Variants in PTPRD observed in about 807,000 individuals in gnomAD.
PTPRD encodes the protein receptor-type tyrosine-protein phosphatase delta.
PTPRD carries 34 observed loss-of-function variants against 214.5 expected under a neutral mutation model. The ratio of observed to expected loss-of-function variants is 0.16; its 90% CI spans 0.12 to 0.21. The LOEUF (loss-of-function observed/expected upper bound fraction) is 0.21, where lower values mean the gene tolerates loss of function less well. Ranked by LOEUF, PTPRD falls within the 10% of genes least tolerant of loss-of-function variation. The pLI is 1.00. For missense variants in PTPRD, 2,545 were observed against 2,398.7 expected (o/e 1.06, Z -1.27); for synonymous variants, 1,128 against 845.7 (o/e 1.33, Z -5.79).
chr9:9,813,998 T>C (rs560445450), intron 5 of PTPRD, among the ~76,000 whole-genome samples: 19 of 152,260 alleles, frequency 1.2e-4, no homozygotes, highest in African/African-American at 3.1e-4. Flanking sequence ...GTTCAACATA[T>C]GCAAGTCAAT....
chr9:9,927,262 G>C (rs529487882), intron 5 of PTPRD, among the ~76,000 whole-genome samples: 4 of 151,938 alleles, frequency 2.6e-5, no homozygotes, highest in East Asian at 1.9e-4. Context: ...AGAACTCTTC[G>C]GGCGAACACT....
rs181840228 is a variant in PTPRD at position 9,337,402 on chromosome 9, G to C, written c.-203+60047C>G. ...GAAGACTTTAATAGATCATTAACAA[G>C]AGCCATTCAAATCATCTAACTCTTC... On this transcript the variant is annotated intron_variant, in intron 9 of 45. Coordinates refer to ENST00000381196, the MANE Select transcript of PTPRD (RefSeq NM_002839.4). Among the ~76,000 whole-genome samples the C allele has an allele frequency of 3.7e-3, 561 of 152,226 alleles. 7 individuals carry two copies. Among genetic ancestry groups the C allele is most frequent in the African/African-American group, 0.013 (542 of 41,542 alleles).
intron 2 of PTPRD, among the ~76,000 whole-genome samples, chr9:10,521,851 C>T (rs187433218): frequency 6.6e-6 from 1 of 152,194 alleles, no homozygotes; most frequent in East Asian, 1.9e-4. Flanking sequence ...TAATAGGCTA[C>T]AGTATAGTTT....
chr9:8,697,610 A>G (rs1462341426), intron 12 of PTPRD, among the ~76,000 whole-genome samples: 3 of 151,358 alleles, frequency 2.0e-5, no homozygotes, highest in Non-Finnish European at 4.4e-5. Flanking sequence ...TTTAGTAGAG[A>G]TGAGTTTTCA....
At chr9:10,132,201 G>T (rs1331439551) in intron 3 of PTPRD, among the ~76,000 whole-genome samples, 1 of 151,990 alleles carries the variant, frequency 6.6e-6, no homozygotes, top group African/African-American at 2.4e-5. Context: ...ACTGTACACA[G>T]AAAAATGAAA....
At chr9:9,261,162 C>A (rs1348239689) in intron 9 of PTPRD, among the ~76,000 whole-genome samples, 2 of 151,798 alleles carry the variant, frequency 1.3e-5, no homozygotes, top group Non-Finnish European at 2.9e-5. Flanking sequence ...CGAGTGGCTG[C>A]TTTGGGTAAT....
At chr9:8,387,510 G>A (rs1288039028) in intron 37 of PTPRD, among the ~76,000 whole-genome samples, 5 of 152,176 alleles carry the variant, frequency 3.3e-5, no homozygotes, top group South Asian at 2.1e-4. Context: ...GCAAATGACT[G>A]CTTGTTACCA....
chr9:10,312,889 G>C (rs2096306887), intron 3 of PTPRD, among the ~76,000 whole-genome samples: 1 of 151,814 alleles, frequency 6.6e-6, no homozygotes. Flanking sequence ...TTGTCATCTA[G>C]ATTACTTTTT....
chr9:10,346,417 G>A (rs1280181896), intron 2 of PTPRD, among the ~76,000 whole-genome samples: 2 of 152,058 alleles, frequency 1.3e-5, no homozygotes, highest in African/African-American at 2.4e-5. Context: ...GACACATAAA[G>A]TATGAGGAGG....
intron 9 of PTPRD, among the ~76,000 whole-genome samples, chr9:9,366,866 G>T (rs1016068117): frequency 3.3e-5 from 5 of 151,176 alleles, no homozygotes; most frequent in African/African-American, 1.2e-4. Flanking sequence ...CTGATCTTTG[G>T]GTAAAGAGAT....
chr9:10,405,487 A>T (rs1211269984), intron 2 of PTPRD, among the ~76,000 whole-genome samples: 1 of 150,574 alleles, frequency 6.6e-6, no homozygotes, highest in Non-Finnish European at 1.5e-5. Context: ...CAGTTGCCAC[A>T]GTACAACATA....
At chr9:9,671,662 G>C (rs1367931269) in intron 7 of PTPRD, among the ~76,000 whole-genome samples, 1 of 152,108 alleles carries the variant, frequency 6.6e-6, no homozygotes, top group Non-Finnish European at 1.5e-5. Context: ...TCTCATGGTA[G>C]TGAATAAATC....
chr9:10,066,120 C>CT (rs903338767), intron 3 of PTPRD, among the ~76,000 whole-genome samples: 32 of 151,854 alleles, frequency 2.1e-4, no homozygotes, highest in African/African-American at 7.2e-4. Context: ...GATGGTTGGT[C>CT]TTTTTGCCAA....
intron 3 of PTPRD, among the ~76,000 whole-genome samples, chr9:10,102,982 CT>C (rs1304830280): frequency 1.3e-5 from 2 of 151,608 alleles, no homozygotes; most frequent in Non-Finnish European, 3.0e-5. Flanking sequence ...AAAACACACA[CT>C]TTATGCCGAC....
In PTPRD at chr9:10,412,162, C is replaced by A. The variant is rs192199478; in HGVS notation, c.-599-71145G>T. On this transcript the variant is annotated intron_variant, in intron 2 of 45. Transcript: ENST00000381196. ...AAGAATTTGAAGACTAATTCCTCAA[C>A]TTAACATAAGCTATACTAATAAAGA... 1.5e-3 allele frequency among the ~76,000 whole-genome samples: 224 copies of A among 151,704 alleles called. 3 individuals carry two copies. The South Asian group carries it at 0.023, about 16-fold the overall frequency.
At chr9:9,629,920 A>G (rs1326761) in intron 7 of PTPRD, among the ~76,000 whole-genome samples, 21,563 of 152,160 alleles carry the variant, frequency 0.14, 2,070 homozygotes, top group African/African-American at 0.27. Context: ...AAATGAGAGT[A>G]GGTGAGATTA....
intron 11 of PTPRD, among the ~76,000 whole-genome samples, chr9:8,896,707 G>A (rs1348998107): frequency 6.6e-6 from 1 of 152,072 alleles, no homozygotes; most frequent in African/African-American, 2.4e-5. Flanking sequence ...GATTCAATTG[G>A]CCTGCATATA....
Position 10,182,259 on chromosome 9 carries a change from C to CAAAAAAAA in PTPRD, c.-544-148477_-544-148470dup, listed in dbSNP as rs3075574. Among the ~76,000 whole-genome samples, 27 of 54,416 alleles carry CAAAAAAAA rather than the reference C, an allele frequency of 5.0e-4. 1 individual carries two copies. Among genetic ancestry groups the CAAAAAAAA allele is most frequent in the African/African-American group, 1.7e-3 (21 of 12,508 alleles). The allele number at this position is 54,416 out of a possible 152,430, so 35.7% of individuals were successfully genotyped here. A position where few individuals can be genotyped will look rare whatever the true frequency, so the allele number is the denominator to read the frequency against. ...TGGGCAGCACAGTGAGACTCTGCCT[C>CAAAAAAAA]AAAAAAAAAAAAAAAAAAAAGAAAA... On this transcript the variant is annotated intron_variant, in intron 3 of 45. Coordinates refer to ENST00000381196, the MANE Select transcript of PTPRD (RefSeq NM_002839.4).
intron 10 of PTPRD, among the ~76,000 whole-genome samples, chr9:9,064,038 A>G (rs1319704374): frequency 6.6e-6 from 1 of 152,190 alleles, no homozygotes; most frequent in African/African-American, 2.4e-5. Context: ...TTAGCAAAAG[A>G]TATCAGCTGA....
Sources: gnomAD v4.1 joint callset for allele counts (sites outside exome capture counted in the v4.1 genomes callset) on GRCh38, gnomAD v4.1.1 for gene constraint, MANE v1.5 for transcripts, NCBI Gene and HGNC (gene_info 2026-07-23, HGNC 2026-07-21) for gene names.